SLC25A21: variants seen among roughly 807,000 people sequenced by gnomAD.
SLC25A21 encodes the protein solute carrier family 25 member 21, also known as mitochondrial 2-oxodicarboxylate carrier.
SLC25A21 carries 47 observed loss-of-function variants against 43.8 expected under a neutral mutation model. That is an observed-to-expected ratio of 1.07 (90% CI 0.85 to 1.37). The LOEUF (loss-of-function observed/expected upper bound fraction) is 1.37, where lower values mean the gene tolerates loss of function less well. Among genes scored for constraint, SLC25A21 ranks in the 40% most tolerant of loss-of-function variants. The probability of loss-of-function intolerance (pLI) is 0.00; values close to 1 mark genes in which losing one functional copy is unlikely to be tolerated. For synonymous variants in SLC25A21, 131 were observed against 121.3 expected (o/e 1.08, Z -0.52); for missense variants, 352 against 350.2 (o/e 1.00, Z -0.04).
intron 3 of SLC25A21, among the ~76,000 whole-genome samples, chr14:36,809,958 T>C (rs1752068470): frequency 6.6e-6 from 1 of 152,198 alleles, no homozygotes; most frequent in Non-Finnish European, 1.5e-5. Flanking sequence ...GGAAAAAAAT[T>C]AACACAACAT....
At chr14:36,979,128 A>G (rs900220808) in intron 1 of SLC25A21, among the ~76,000 whole-genome samples, 6 of 152,100 alleles carry the variant, frequency 3.9e-5, no homozygotes, top group Non-Finnish European at 7.4e-5. Context: ...ATGCTTTAAC[A>G]GGTTAGACAG....
At chr14:36,857,858 T>C (rs1889947135) in intron 2 of SLC25A21, among the ~76,000 whole-genome samples, 1 of 152,228 alleles carries the variant, frequency 6.6e-6, no homozygotes, top group South Asian at 2.1e-4. Context: ...ACCTATAGGG[T>C]CAACAATTGC....
chr14:36,832,457 G>A (rs74047017), intron 2 of SLC25A21, among the ~76,000 whole-genome samples: 1,743 of 152,146 alleles, frequency 0.011, 23 homozygotes, highest in African/African-American at 0.039. Context: ...TGAGGCTCAC[G>A]GGCCTGACTA....
chr14:37,078,187 G>T (rs569162302), intron 1 of SLC25A21, among the ~76,000 whole-genome samples: 6 of 152,198 alleles, frequency 3.9e-5, no homozygotes, highest in African/African-American at 1.4e-4. Context: ...TAAAGCCTGT[G>T]GTTATTTGTG....
chr14:36,859,769 G>T (rs1443411671), intron 2 of SLC25A21, among the ~76,000 whole-genome samples: 2 of 152,132 alleles, frequency 1.3e-5, no homozygotes, highest in African/African-American at 4.8e-5. Context: ...AGTAGCCAAA[G>T]AAATATAAGA....
At chr14:37,068,427 GA>G (rs1308081426) in intron 1 of SLC25A21, among the ~76,000 whole-genome samples, 1 of 151,944 alleles carries the variant, frequency 6.6e-6, no homozygotes, top group Non-Finnish European at 1.5e-5. Flanking sequence ...AAGGTATGAT[GA>G]TTTTTTTTGC....
At chr14:36,687,235 G>A (rs1170726724) in intron 7 of SLC25A21, among the ~76,000 whole-genome samples, 1 of 152,296 alleles carries the variant, frequency 6.6e-6, no homozygotes, top group Non-Finnish European at 1.5e-5. Context: ...TTACAGCCAT[G>A]AGCCACCGTG....
chr14:37,135,697 C>T (rs1963469055), intron 1 of SLC25A21, among the ~76,000 whole-genome samples: 1 of 150,272 alleles, frequency 6.7e-6, no homozygotes, highest in African/African-American at 2.5e-5. Context: ...TTTCCCTAAA[C>T]ATTTTAACAA....
intron 1 of SLC25A21, among the ~76,000 whole-genome samples, chr14:36,941,099 C>G (rs959466865): frequency 3.9e-5 from 6 of 152,134 alleles, no homozygotes; most frequent in African/African-American, 1.4e-4. Context: ...GAAATTTACT[C>G]AAGCTTTACT....
intron 1 of SLC25A21, among the ~76,000 whole-genome samples, chr14:37,057,998 C>T (rs138267478): frequency 4.6e-5 from 7 of 152,242 alleles, no homozygotes; most frequent in East Asian, 1.9e-4. Flanking sequence ...TAATCATATC[C>T]GTGCAATTTT....
chr14:36,847,434 A>T (rs1889581620), intron 2 of SLC25A21, among the ~76,000 whole-genome samples: 1 of 152,226 alleles, frequency 6.6e-6, no homozygotes, highest in South Asian at 2.1e-4. Context: ...GGAGGCTAAA[A>T]TGAATATGTC....
chr14:37,078,842 CTTTTT>C (rs112086617), intron 1 of SLC25A21, among the ~76,000 whole-genome samples: 1 of 144,248 alleles, frequency 6.9e-6, no homozygotes. Flanking sequence ...CATTATTTTC[CTTTTT>C]TTTTTTTCTC....
chr14:36,959,085 G>A (rs930596299), intron 1 of SLC25A21, among the ~76,000 whole-genome samples: 1 of 152,156 alleles, frequency 6.6e-6, no homozygotes, highest in Admixed American at 6.5e-5. Context: ...ATGTCTTATG[G>A]AGGAGTACAC....
intron 1 of SLC25A21, among the ~76,000 whole-genome samples, chr14:37,034,015 A>G (rs1484389863): frequency 6.9e-6 from 1 of 144,706 alleles, no homozygotes; most frequent in Non-Finnish European, 1.6e-5. Flanking sequence ...TGGGGAGGTC[A>G]CAATTTTGCT....
chr14:36,856,556 C>T (rs409755), intron 2 of SLC25A21, among the ~76,000 whole-genome samples: 54,951 of 151,998 alleles, frequency 0.36, 10,777 homozygotes, highest in African/African-American at 0.52. Context: ...CTGACTGCTT[C>T]CTCTTTAGAC....
intron 1 of SLC25A21, among the ~76,000 whole-genome samples, chr14:36,986,800 C>T (rs1037211580): frequency 7.2e-5 from 11 of 152,042 alleles, no homozygotes; most frequent in East Asian, 1.9e-4. Context: ...TTGCCCTTAA[C>T]GACTTCCCCC....
At position 37,123,498 on chromosome 14, in the gene SLC25A21, A is replaced by G. The variant is rs183153987; in HGVS notation, c.70+48783T>C. On this transcript the variant is annotated intron_variant, in intron 1 of 9. Transcript: ENST00000331299. Reference sequence around the variant, plus strand: ...TCTGACTAAGCCTTCACATTTTCCCATTTAATATAATGATACATTGTTGTA... The same window carrying G: ...TCTGACTAAGCCTTCACATTTTCCCGTTTAATATAATGATACATTGTTGTA... 6.2e-3 allele frequency among the ~76,000 whole-genome samples: 951 copies of G among 152,302 alleles called. 4 individuals carry two copies. Among genetic ancestry groups the G allele is most frequent in the Non-Finnish European group, 8.9e-3 (607 of 68,026 alleles).
At chr14:36,850,705 A>T (rs1747266206) in intron 2 of SLC25A21, among the ~76,000 whole-genome samples, 1 of 152,172 alleles carries the variant, frequency 6.6e-6, no homozygotes, top group Admixed American at 6.5e-5. Context: ...AGATCTACAG[A>T]TCTCTTGATC....
chr14:37,119,520 A>C (rs1216739522), intron 1 of SLC25A21, among the ~76,000 whole-genome samples: 1 of 152,014 alleles, frequency 6.6e-6, no homozygotes, highest in African/African-American at 2.4e-5. Flanking sequence ...TAGTGCCACT[A>C]TACTCCAGCC....
Sources: gnomAD v4.1 joint callset for allele counts (sites outside exome capture counted in the v4.1 genomes callset) on GRCh38, gnomAD v4.1.1 for gene constraint, MANE v1.5 for transcripts, NCBI Gene and HGNC (gene_info 2026-07-23, HGNC 2026-07-21) for gene names.